HHIP: variants seen among roughly 807,000 people sequenced by gnomAD.
HHIP encodes the protein hedgehog interacting protein.
HHIP carries 12 observed loss-of-function variants against 74.0 expected under a neutral mutation model. The ratio of observed to expected loss-of-function variants is 0.16; its 90% confidence interval spans 0.10 to 0.26. The LOEUF is 0.26. HHIP is among the 10% of genes least tolerant of loss of function. The probability of loss-of-function intolerance (pLI) is 1.00; values close to 1 mark genes in which losing one functional copy is unlikely to be tolerated. For missense variants in HHIP, 788 were observed against 845.0 expected, an observed-to-expected ratio of 0.93 and a Z score of 0.84; for synonymous variants, 309 against 311.6, an observed-to-expected ratio of 0.99 and a Z score of 0.09.
intron 4 of HHIP, among the ~76,000 whole-genome samples, chr4:144,680,085 T>C (rs576733122): frequency 6.6e-6 from 1 of 152,196 alleles, no homozygotes; most frequent in Non-Finnish European, 1.5e-5. Flanking sequence ...ACAATAAGCA[T>C]TCAAAAATAA....
intron 2 of HHIP, among the ~76,000 whole-genome samples, chr4:144,656,540 TA>T (rs1233894753): frequency 6.6e-6 from 1 of 152,132 alleles, no homozygotes; most frequent in Non-Finnish European, 1.5e-5. Flanking sequence ...TAGTAGACAG[TA>T]ATGCTGAAAC....
In HHIP at chr4:144,745,265, G is replaced by A. The variant is rs1731348506; in HGVS notation, c.*7308G>A. 1.3e-5 allele frequency: 2 copies of A among 152,130 alleles called. No homozygotes were observed. Among genetic ancestry groups the A allele is most frequent in the South Asian group, 4.2e-4 (2 of 4,812 alleles). The allele number at this position is 152,130 out of a possible 1,614,324, so 9.4% of individuals were successfully genotyped here. ...ATCAAATGATTAAACTTTATCTTAT[G>A]ACTTGATGTACATGTGCTATTTTAA... On this transcript the variant is annotated 3_prime_UTR_variant, in exon 13 of 13. Transcript: ENST00000296575.
intron 2 of HHIP, among the ~76,000 whole-genome samples, chr4:144,657,539 A>G (rs1402009180): frequency 6.6e-6 from 1 of 152,242 alleles, no homozygotes; most frequent in Non-Finnish European, 1.5e-5. Context: ...GAGAGCAGAA[A>G]TCATTAGAAT....
intron 10 of HHIP, 85 bp downstream of exon 10, chr4:144,715,515 A>AC (rs1560717465): frequency 7.9e-7 from 1 of 1,266,960 alleles, no homozygotes; most frequent in Non-Finnish European, 1.1e-6. Context: ...TAAATACAGC[A>AC]ATCTTATCCT....
chr4:144,715,572 G>A lies in HHIP; in HGVS notation c.1678+142G>A, dbSNP rs1730426126. 7.4e-6 allele frequency: 5 copies of A among 675,782 alleles called. No homozygotes were observed. The South Asian group carries it at 1.5e-4, about 20-fold the overall frequency. The allele number at this position is 675,782 out of a possible 1,614,324, so 41.9% of individuals were successfully genotyped here. A position where few individuals can be genotyped will look rare whatever the true frequency, so the allele number is the denominator to read the frequency against. The stretch of plus-strand genomic sequence containing the variant: ...CACAGCAAAGATGACCTACTCCAGA[G>A]ATTAAGATAGTCCAGTTACATATTC... On this transcript the variant is annotated intron_variant, in intron 10 of 12. Coordinates refer to ENST00000296575, the MANE Select transcript of HHIP (RefSeq NM_022475.3).
Position 144,734,797 on chromosome 4 carries a change from C to T in HHIP, c.1817C>T (p.Ser606Leu). ...ATVQPAQTLT[S>L]ECSRLCRNGY... ...GTACAACCTGCACAGACACTGACTT[C>T]AGAGTGCTCCAGGCTCTGTCGAAAC... The change falls in exon 12 of 13, where the codon TCA (serine) becomes TTA (leucine). Residue 606 changes from serine to leucine, a missense_variant. Around this residue, in one of 3 missense-constraint regions of HHIP, gnomAD observed 343 missense variants for 347.9 expected, o/e 0.99. Coordinates refer to ENST00000296575, the MANE Select transcript of HHIP (RefSeq NM_022475.3). The T allele has an allele frequency of 6.2e-7, 1 of 1,612,580 alleles. No individual in the cohort carries two copies. The highest frequency in any genetic ancestry group is 8.5e-7 in the Non-Finnish European group (1 of 1,178,938).
chr4:144,684,470 G>A (rs1729434564), intron 4 of HHIP, among the ~76,000 whole-genome samples: 2 of 150,432 alleles, frequency 1.3e-5, no homozygotes, highest in African/African-American at 2.4e-5. Flanking sequence ...TAGTAGAAAC[G>A]TGGTTTCACC....
intron 4 of HHIP, 46 bp from the exon 5 acceptor site, chr4:144,706,485 A>G: frequency 6.8e-7 from 1 of 1,477,500 alleles, no homozygotes; most frequent in Non-Finnish European, 9.1e-7. Flanking sequence ...CACAATAAAG[A>G]ACATAATTAA....
At chr4:144,660,044 C>G (rs1728669569) in intron 4 of HHIP, 2 of 558,892 alleles carry the variant, frequency 3.6e-6, no homozygotes, top group African/African-American at 3.8e-5. Context: ...TTGTGCGCTG[C>G]AATCGAATTG....
chr4:144,732,419 GGA>G (rs1483097836), intron 11 of HHIP, among the ~76,000 whole-genome samples: 1 of 152,080 alleles, frequency 6.6e-6, no homozygotes, highest in Non-Finnish European at 1.5e-5. Context: ...CAAATCTTAG[GGA>G]AAAAATAATT....
intron 2 of HHIP, among the ~76,000 whole-genome samples, chr4:144,654,185 T>C (rs1048914859): frequency 1.3e-5 from 2 of 152,298 alleles, no homozygotes; most frequent in Admixed American, 1.3e-4. Flanking sequence ...GAAGTAATTT[T>C]AGCTTCCAAA....
chr4:144,701,319 T>C (rs1170979420), intron 4 of HHIP, among the ~76,000 whole-genome samples: 1 of 100,210 alleles, frequency 1.0e-5, no homozygotes, highest in Non-Finnish European at 2.1e-5. Context: ...TAAGCTGTTT[T>C]TTTCTTTTTT....
At chr4:144,657,001 C>T (rs561010907) in intron 2 of HHIP, among the ~76,000 whole-genome samples, 8 of 151,930 alleles carry the variant, frequency 5.3e-5, no homozygotes, top group Non-Finnish European at 1.0e-4. Flanking sequence ...TGCCCCCCAC[C>T]GCATGCATGT....
At position 144,738,046 on chromosome 4, in the gene HHIP, C is replaced by A; in HGVS notation, c.*89C>A. On this transcript the variant is annotated 3_prime_UTR_variant, in exon 13 of 13. Transcript: ENST00000296575. Reference sequence around the variant, plus strand: ...AAAAAGACTGTTATCCTGCTACACACTCCTGTGATTTCATTCTCTTTTATT... The same window carrying A: ...AAAAAGACTGTTATCCTGCTACACAATCCTGTGATTTCATTCTCTTTTATT... 7.0e-7 allele frequency: 1 copy of A among 1,421,260 alleles called. No individual in the cohort carries two copies. Among genetic ancestry groups the A allele is most frequent in the Non-Finnish European group, 9.2e-7 (1 of 1,088,736 alleles). The allele number at this position is 1,421,260 out of a possible 1,614,324, so 88.0% of individuals were successfully genotyped here. A position where few individuals can be genotyped will look rare whatever the true frequency, so the allele number is the denominator to read the frequency against.
intron 4 of HHIP, among the ~76,000 whole-genome samples, chr4:144,704,777 G>A (rs1393961087): frequency 1.3e-5 from 2 of 152,264 alleles, no homozygotes; most frequent in South Asian, 2.1e-4. Context: ...TCCCACCCTC[G>A]GGCCTCGTTA....
At chr4:144,715,562 C>T (rs2126666155) in intron 10 of HHIP, 132 bp downstream of exon 10, 2 of 806,474 alleles carry the variant, frequency 2.5e-6, no homozygotes, top group South Asian at 2.2e-5. Flanking sequence ...CAAAGATGAC[C>T]TACTCCAGAG....
intron 11 of HHIP, among the ~76,000 whole-genome samples, chr4:144,728,531 G>T (rs954688139): frequency 4.6e-5 from 7 of 152,018 alleles, no homozygotes; most frequent in African/African-American, 1.7e-4. Context: ...AGTTATCCTT[G>T]AATTCAAAGG....
At chr4:144,714,454 C>A in intron 9 of HHIP, 106 bp downstream of exon 9, 1 of 1,104,914 alleles carries the variant, frequency 9.1e-7, no homozygotes, top group Non-Finnish European at 1.4e-6. Flanking sequence ...TTTTGTGCAT[C>A]AGATGGGGAA....
At chr4:144,658,725 T>C (rs1203264124) in intron 2 of HHIP, 65 bp from the exon 3 acceptor site, 10 of 1,349,736 alleles carry the variant, frequency 7.4e-6, no homozygotes, top group Middle Eastern at 1.9e-4. Context: ...TCTTATATCT[T>C]TCAAATAAGG....
Sources: gnomAD v4.1 joint callset for allele counts (sites outside exome capture counted in the v4.1 genomes callset) on GRCh38, gnomAD v4.1.1 for gene constraint, gnomAD v4.1.1 regional missense constraint, MANE v1.5 for transcripts, NCBI Gene and HGNC (gene_info 2026-07-23, HGNC 2026-07-21) for gene names.